The following ATG9A variants were observed in gnomAD, a reference collection of about 807,000 sequenced individuals.
ATG9A encodes autophagy related 9A, also known as autophagy-related protein 9A.
Under a neutral mutation model 87.1 loss-of-function variants are expected in ATG9A, and 21 were observed. The observed-to-expected ratio is 0.24, with a 90% CI of 0.17 to 0.35. The LOEUF (loss-of-function observed/expected upper bound fraction) is 0.35, where lower values mean the gene tolerates loss of function less well. Among genes scored for constraint, ATG9A ranks in the 10% least tolerant of loss-of-function variants. ATG9A has a pLI of 1.00. For synonymous variants in ATG9A, 422 were observed against 441.3 expected, an observed-to-expected ratio of 0.96 and a Z score of 0.55; for missense variants, 836 against 1,107.3, an observed-to-expected ratio of 0.76 and a Z score of 3.48.
chr2:219,220,598 T>C (rs535051771), intron 15 of ATG9A, 146 bp from the exon 16 acceptor site: 45 of 1,483,872 alleles, frequency 3.0e-5, no homozygotes, highest in Non-Finnish European at 3.7e-5. Flanking sequence ...TGCAGAGCAG[T>C]TGAGAAAAGA....
At chr2:219,226,154 A>T (rs1022215790) in intron 5 of ATG9A, among the ~76,000 whole-genome samples, 1 of 151,966 alleles carries the variant, frequency 6.6e-6, no homozygotes, top group African/African-American at 2.4e-5. Flanking sequence ...TCTGTCAGCC[A>T]GGCTGGAGTG....
rs748132718 is a variant in ATG9A at position 219,221,160 on chromosome 2, G to A, written c.2288C>T (p.Pro763Leu). 1.2e-6 allele frequency: 2 copies of A among 1,608,482 alleles called. No individual in the cohort carries two copies. The highest frequency in any genetic ancestry group is 1.7e-6 in the Non-Finnish European group (2 of 1,177,510). The change falls in exon 14 of 16, where the codon CCC becomes CTC. Residue 763 changes from proline (P) to leucine (L), a missense_variant. By Grantham distance (98) the Pro-to-Leu change is moderately conservative (BLOSUM62 -3). This residue lies in a region of ATG9A where 324 missense variants were observed against 347.6 expected (regional missense o/e 0.93). Transcript: ENST00000361242. ...AGCTCCAGGCCGGGGTGCTGCACAG[G>A]GATAGCTAGCAGAGCGAGGGATAGA... Reference protein sequence around the residue: ...PQSIPRSASYPCAAPRPGAPE... With the variant: ...PQSIPRSASYLCAAPRPGAPE...
In ATG9A at chr2:219,223,148, C is replaced by T. The variant is rs1359743214; in HGVS notation, c.1600-255G>A. 6.8e-6 allele frequency among the ~76,000 whole-genome samples: 1 copy of T among 146,638 alleles called. No homozygotes were observed. The highest frequency in any genetic ancestry group is 1.5e-5 in the Non-Finnish European group (1 of 67,320). Reference sequence around the variant, plus strand: ...TGTCGCCCAGGCTGGATTGCAGTGGCGTGATCTCGGCTCACTGCAAGCTCC... The same window carrying T: ...TGTCGCCCAGGCTGGATTGCAGTGGTGTGATCTCGGCTCACTGCAAGCTCC... On this transcript the variant is annotated intron_variant, in intron 10 of 15. Coordinates refer to ENST00000361242, the MANE Select transcript of ATG9A (RefSeq NM_001077198.3). The surrounding 1 kb of genome is among the most constrained non-coding windows in gnomAD (Gnocchi z 4.7).
In ATG9A at chr2:219,224,682, A is replaced by G; in HGVS notation, c.689T>C (p.Leu230Pro). 1 of 1,614,240 alleles carries G rather than the reference A, an allele frequency of 6.2e-7. No individual in the cohort carries two copies. Among genetic ancestry groups the G allele is most frequent in the East Asian group, 2.2e-5 (1 of 44,880 alleles). Reference protein sequence around the residue: ...VALVNKSLLPLRFRLPGLGEA... With the variant: ...VALVNKSLLPPRFRLPGLGEA... ...CCCGAGGCCAGGCAGGCGGAAGCGC[A>G]GAGGCAGGAGGGATTTGTTAACCAG... The change falls in exon 8 of 16, where the codon CTG becomes CCG. Residue 230 changes from leucine (L) to proline (P), a missense_variant. Around this residue, in one of 2 missense-constraint regions of ATG9A, gnomAD observed 512 missense variants for 759.6 expected, o/e 0.67. Coordinates refer to ENST00000361242, the MANE Select transcript of ATG9A (RefSeq NM_001077198.3). The surrounding 1 kb of genome is among the most constrained non-coding windows in gnomAD (Gnocchi z 7.7).
In ATG9A at chr2:219,229,180, G is replaced by A. The variant is rs1325707827; in HGVS notation, c.-82+355C>T. 2 of 152,184 alleles carry A rather than the reference G, an allele frequency of 1.3e-5. No homozygotes were observed. The highest frequency in any genetic ancestry group is 6.5e-5 in the Admixed American group (1 of 15,284). The allele number at this position is 152,184 out of a possible 1,614,324, so 9.4% of individuals were successfully genotyped here. On this transcript the variant is annotated intron_variant, in intron 1 of 15. Coordinates refer to ENST00000361242, the MANE Select transcript of ATG9A (RefSeq NM_001077198.3). This position sits in a 1 kb window ranked among gnomAD's most constrained non-coding sequence, Gnocchi z 4.2. ...GGGCCTGGGCTCAGGGGTTCCTGCG[G>A]ATGTTGCAGGGATCGAGTCAGCCTT... is the stretch of plus-strand genomic sequence containing the variant.
chr2:219,226,840 C>T (rs1372915487), intron 5 of ATG9A, 29 bp downstream of exon 5: 2 of 1,587,160 alleles, frequency 1.3e-6, no homozygotes, highest in Non-Finnish European at 1.7e-6. Context: ...TATTCTTTCA[C>T]CACATCATCT....
At chr2:219,221,347 A>C in intron 13 of ATG9A, 45 bp from the exon 14 acceptor site, 2 of 1,476,046 alleles carry the variant, frequency 1.4e-6, no homozygotes, top group Non-Finnish European at 1.8e-6. Context: ...ACGGATGTCC[A>C]TCTGAAACAG....
chr2:219,227,444 G>T (rs564090745), intron 4 of ATG9A, among the ~76,000 whole-genome samples: 8 of 152,158 alleles, frequency 5.3e-5, no homozygotes, highest in Non-Finnish European at 1.2e-4. Context: ...TTGAACCCAG[G>T]AGGTGGAGGT....
chr2:219,221,332 G>A (rs760664534), intron 13 of ATG9A, 30 bp from the exon 14 acceptor site: 140 of 1,513,792 alleles, frequency 9.2e-5, no homozygotes, highest in Non-Finnish European at 1.2e-4. Flanking sequence ...GTTAGTGGGG[G>A]ACAGACGGAT....
At position 219,219,948 on chromosome 2, in the gene ATG9A, G is replaced by C. The variant is rs948001711; in HGVS notation, c.*499C>G. 5.7e-6 allele frequency: 1 copy of C among 175,872 alleles called. No homozygotes were observed. Among genetic ancestry groups the C allele is most frequent in the East Asian group, 1.6e-4 (1 of 6,160 alleles). 10.9% of individuals were successfully genotyped at this position (175,872 alleles called of 1,614,324 possible). On this transcript the variant is annotated 3_prime_UTR_variant, in exon 16 of 16. Transcript: ENST00000361242. ...AGTGATGTGCAAGAAGCGGAGAGAGGTGAGCCGGCTGCAGCACTGGGCGAG... is the reference window on the plus strand; with the variant it reads ...AGTGATGTGCAAGAAGCGGAGAGAGCTGAGCCGGCTGCAGCACTGGGCGAG...
In ATG9A at chr2:219,220,242, T is replaced by C; in HGVS notation, c.*205A>G. The C allele has an allele frequency of 1.6e-6, 1 of 614,744 alleles. No homozygotes were observed. Among genetic ancestry groups the C allele is most frequent in the South Asian group, 2.1e-5 (1 of 47,490 alleles). 38.1% of individuals were successfully genotyped at this position (614,744 alleles called of 1,614,324 possible). The stretch of plus-strand genomic sequence containing the variant: ...CTGGGGATGAGGCTAGAGTCCCGTG[T>C]GCCCTCGGTTCCTAGGCCCCAAATT... On this transcript the variant is annotated 3_prime_UTR_variant, in exon 16 of 16. Coordinates refer to ENST00000361242, the MANE Select transcript of ATG9A (RefSeq NM_001077198.3).
intron 15 of ATG9A, 63 bp downstream of exon 15, chr2:219,220,684 G>C (rs2106435325): frequency 6.3e-7 from 1 of 1,587,148 alleles, no homozygotes; most frequent in East Asian, 2.2e-5. Flanking sequence ...CCCCTGAAAA[G>C]CTGTTACCTC....
At chr2:219,221,749 G>A (rs956244011) in intron 13 of ATG9A, among the ~76,000 whole-genome samples, 28 of 152,114 alleles carry the variant, frequency 1.8e-4, no homozygotes, top group African/African-American at 6.8e-4. Flanking sequence ...GATTCAGGAG[G>A]GTGGGCAAGG....
chr2:219,220,376 T>A lies in ATG9A; in HGVS notation c.*71A>T, dbSNP rs1405997810. ...GGGAACACTCAGAGGAGCCGTCCCA[T>A]GGCAGGCAGACGGGATGGCAGGGCA... On this transcript the variant is annotated 3_prime_UTR_variant, in exon 16 of 16. Transcript: ENST00000361242. 5.7e-6 allele frequency: 9 copies of A among 1,581,560 alleles called. No individual in the cohort carries two copies. Among genetic ancestry groups the A allele is most frequent in the Non-Finnish European group, 7.8e-6 (9 of 1,152,624 alleles).
rs760571943 is a variant in ATG9A, at chr2:219,222,252, C to A, written c.2027+20G>T. On this transcript the variant is annotated intron_variant, in intron 12 of 15. Coordinates refer to ENST00000361242, the MANE Select transcript of ATG9A (RefSeq NM_001077198.3). This position sits in a 1 kb window ranked among gnomAD's most constrained non-coding sequence, Gnocchi z 4.3. Reference sequence around the variant, plus strand: ...GCTGAGGGCTGCCGTGCCCTCCCATCTTGGCCCCGATTTACTCACCCAGAG... The same window carrying A: ...GCTGAGGGCTGCCGTGCCCTCCCATATTGGCCCCGATTTACTCACCCAGAG... The A allele has an allele frequency of 1.2e-6, 2 of 1,613,416 alleles. No homozygotes were observed. The highest frequency in any genetic ancestry group is 1.1e-5 in the South Asian group (1 of 91,082).
chr2:219,227,697 A>G (rs752072621), intron 4 of ATG9A, 73 bp downstream of exon 4: 16 of 1,553,724 alleles, frequency 1.0e-5, no homozygotes, highest in Admixed American at 3.4e-5. Flanking sequence ...ACCTACCCCC[A>G]CCTCCCACCA....
intron 4 of ATG9A, 144 bp from the exon 5 acceptor site, chr2:219,227,077 G>T: frequency 1.4e-6 from 1 of 700,962 alleles, no homozygotes; most frequent in Non-Finnish European, 2.6e-6. Context: ...CTAAACTTTT[G>T]TCTGTCCATG....
Position 219,222,713 on chromosome 2 carries a change from C to T in ATG9A, c.1780G>A (p.Ala594Thr), listed in dbSNP as rs981450352. The stretch of plus-strand genomic sequence containing the variant: ...TTTTCAGGGAGCAGACCCCCTTGGG[C>T]GAGGCTAGCAGCTGCTCCATCCCGC... Reference protein sequence around the residue: ...VQRDGAAASLAQGGLLPENAL... With the variant: ...VQRDGAAASLTQGGLLPENAL... The change falls in exon 11 of 16, where the codon GCC becomes ACC. Residue 594 changes from alanine to threonine, a missense_variant. Ala to Thr is a moderately conservative substitution (Grantham distance 58). Around this residue, in one of 2 missense-constraint regions of ATG9A, gnomAD observed 324 missense variants for 347.6 expected, o/e 0.93. Coordinates refer to ENST00000361242, the MANE Select transcript of ATG9A (RefSeq NM_001077198.3). The surrounding 1 kb of genome is among the most constrained non-coding windows in gnomAD (Gnocchi z 4.3). 16 of 1,614,062 alleles carry T rather than the reference C, an allele frequency of 9.9e-6. No homozygotes were observed. The Admixed American group carries it at 1.2e-4, about 12-fold the overall frequency.
In ATG9A at chr2:219,223,045, GA is replaced by G; in HGVS notation, c.1600-153del. 2 of 997,684 alleles carry G rather than the reference GA, an allele frequency of 2.0e-6. No homozygotes were observed. The highest frequency in any genetic ancestry group is 2.9e-6 in the Non-Finnish European group (2 of 689,246). The allele number at this position is 997,684 out of a possible 1,614,324, so 61.8% of individuals were successfully genotyped here. On this transcript the variant is annotated intron_variant, in intron 10 of 15. Transcript: ENST00000361242. The surrounding 1 kb of genome is among the most constrained non-coding windows in gnomAD (Gnocchi z 4.7). ...GGCACTGGTGCCCCCCCAGACCCAG[GA>G]GGGGCTGCACTGCATGCTGAGCCAG... is the stretch of plus-strand genomic sequence containing the variant.
Sources: gnomAD v4.1 joint callset for allele counts (sites outside exome capture counted in the v4.1 genomes callset) on GRCh38, gnomAD v4.1.1 for gene constraint, gnomAD v4.1.1 regional missense constraint, Gnocchi (gnomAD v3.1) non-coding constraint, MANE v1.5 for transcripts, NCBI Gene and HGNC (gene_info 2026-07-23, HGNC 2026-07-21) for gene names.